NPFFR2: variants seen among roughly 807,000 people sequenced by gnomAD.
The protein encoded by NPFFR2 is neuropeptide FF receptor 2.
In NPFFR2, 15 loss-of-function variants were observed where a neutral mutation model predicts 13.1. The ratio of observed to expected loss-of-function variants is 1.15; its 90% CI spans 0.77 to 1.76. The LOEUF is 1.76. Among genes scored for constraint, NPFFR2 ranks in the 40% most tolerant of loss-of-function variants. The probability of loss-of-function intolerance (pLI) is 0.00; values close to 1 mark genes in which losing one functional copy is unlikely to be tolerated. For missense variants in NPFFR2, 572 were observed against 503.5 expected (o/e 1.14, Z -1.30); for synonymous variants, 190 against 175.7 (o/e 1.08, Z -0.65).
At chr4:72,035,814 CT>C (rs1441614225) in intron 1 of NPFFR2, among the ~76,000 whole-genome samples, 2 of 152,110 alleles carry the variant, frequency 1.3e-5, no homozygotes, top group Non-Finnish European at 2.9e-5. Flanking sequence ...ATATTTCTTA[CT>C]TTTTTTCTTC....
intron 1 of NPFFR2, among the ~76,000 whole-genome samples, chr4:72,088,605 G>C (rs968205854): frequency 1.3e-5 from 2 of 151,900 alleles, no homozygotes; most frequent in Admixed American, 6.6e-5. Flanking sequence ...GCTCCACATA[G>C]CTAGGGAGGC....
At chr4:72,120,090 G>A (rs185930678) in intron 1 of NPFFR2, among the ~76,000 whole-genome samples, 6 of 152,248 alleles carry the variant, frequency 3.9e-5, no homozygotes, top group South Asian at 2.1e-4. Flanking sequence ...CCAGCTTAGT[G>A]GGGGGAGGGA....
chr4:72,098,490 A>G (rs1721134798), intron 1 of NPFFR2, among the ~76,000 whole-genome samples: 1 of 152,040 alleles, frequency 6.6e-6, no homozygotes, highest in African/African-American at 2.4e-5. Context: ...TTTCTTTTTC[A>G]GCTCATTAGC....
intron 1 of NPFFR2, among the ~76,000 whole-genome samples, chr4:72,124,991 C>A (rs1721994788): frequency 6.6e-6 from 1 of 152,134 alleles, no homozygotes; most frequent in African/African-American, 2.4e-5. Flanking sequence ...AGGCAACCTA[C>A]AAAATGGGAG....
At chr4:72,087,320 A>T (rs1227051368) in intron 1 of NPFFR2, among the ~76,000 whole-genome samples, 2 of 152,132 alleles carry the variant, frequency 1.3e-5, no homozygotes, top group Non-Finnish European at 2.9e-5. Context: ...ATTGTTGCTA[A>T]AGTTCTGGGA....
At chr4:72,065,114 T>C (rs1246484018) in intron 1 of NPFFR2, among the ~76,000 whole-genome samples, 2 of 149,780 alleles carry the variant, frequency 1.3e-5, no homozygotes, top group Middle Eastern at 3.2e-3. Flanking sequence ...ACAAAGCTTA[T>C]GACAAAGGCA....
At chr4:72,069,629 C>T (rs1201130670) in intron 1 of NPFFR2, among the ~76,000 whole-genome samples, 1 of 151,730 alleles carries the variant, frequency 6.6e-6, no homozygotes, top group East Asian at 1.9e-4. Context: ...ACAACACTGA[C>T]AAAAGATATA....
At chr4:72,034,330 T>TA (rs1220340902) in intron 1 of NPFFR2, among the ~76,000 whole-genome samples, 1 of 152,146 alleles carries the variant, frequency 6.6e-6, no homozygotes, top group African/African-American at 2.4e-5. Flanking sequence ...TCAGGAGACT[T>TA]ACAATCATGG....
At chr4:72,117,995 G>T (rs151069278) in intron 1 of NPFFR2, among the ~76,000 whole-genome samples, 1 of 152,020 alleles carries the variant, frequency 6.6e-6, no homozygotes, top group Non-Finnish European at 1.5e-5. Context: ...AAGCCAAAAG[G>T]GAGGAAGAAA....
intron 2 of NPFFR2, among the ~76,000 whole-genome samples, chr4:72,131,184 A>C (rs1011817861): frequency 1.3e-5 from 2 of 151,886 alleles, no homozygotes; most frequent in African/African-American, 4.8e-5. Flanking sequence ...GGTTTTGAAA[A>C]AGGCAAATTT....
chr4:72,079,698 A>C (rs1335456137), intron 1 of NPFFR2, among the ~76,000 whole-genome samples: 1 of 152,194 alleles, frequency 6.6e-6, no homozygotes, highest in Non-Finnish European at 1.5e-5. Context: ...CAGTATGTTC[A>C]AACTACACAT....
At chr4:72,096,363 A>G (rs4379032) in intron 1 of NPFFR2, among the ~76,000 whole-genome samples, 144,855 of 152,226 alleles carry the variant, frequency 0.95, 69,357 homozygotes, top group East Asian at 1. Context: ...AATAATCAAC[A>G]CTGTATTTAT....
chr4:72,057,855 C>T lies in NPFFR2; in HGVS notation c.-8+25655C>T, dbSNP rs78650271. ...CAAATGTATATTGCATCCCTCCATG[C>T]GTGATGCACTATGAAGAGTACCGTG... is the stretch of plus-strand genomic sequence containing the variant. On this transcript the variant is annotated intron_variant, in intron 1 of 3. Transcript: ENST00000308744. Among the ~76,000 whole-genome samples, 557 of 152,018 alleles carry T rather than the reference C, an allele frequency of 3.7e-3. 5 individuals carry two copies. The highest frequency in any genetic ancestry group is 0.014 in the South Asian group (68 of 4,814).
chr4:72,121,512 T>G (rs1193845234), intron 1 of NPFFR2, among the ~76,000 whole-genome samples: 1 of 152,174 alleles, frequency 6.6e-6, no homozygotes, highest in Non-Finnish European at 1.5e-5. Context: ...AAAGGTTGCA[T>G]TACCCACAAA....
At chr4:72,113,508 G>A (rs1040365975) in intron 1 of NPFFR2, among the ~76,000 whole-genome samples, 14 of 151,956 alleles carry the variant, frequency 9.2e-5, no homozygotes, top group Non-Finnish European at 1.9e-4. Flanking sequence ...TCAATGGGTA[G>A]GACTCAACTT....
intron 1 of NPFFR2, among the ~76,000 whole-genome samples, chr4:72,111,720 C>T (rs888209421): frequency 8.6e-5 from 13 of 151,994 alleles, no homozygotes; most frequent in African/African-American, 3.1e-4. Context: ...CAATATACTT[C>T]CCCAACAAAA....
chr4:72,066,001 T>C (rs1290905591), intron 1 of NPFFR2, among the ~76,000 whole-genome samples: 1 of 152,230 alleles, frequency 6.6e-6, no homozygotes, highest in Non-Finnish European at 1.5e-5. Context: ...TCTCCACCTG[T>C]CTTAGTTAAT....
intron 1 of NPFFR2, among the ~76,000 whole-genome samples, chr4:72,058,883 G>A (rs529195061): frequency 6.6e-6 from 1 of 151,966 alleles, no homozygotes; most frequent in African/African-American, 2.4e-5. Flanking sequence ...TCCTGCTCTG[G>A]GCCTTACTCA....
intron 1 of NPFFR2, among the ~76,000 whole-genome samples, chr4:72,116,962 G>C (rs1319137559): frequency 1.3e-5 from 2 of 151,870 alleles, no homozygotes. Context: ...GCCTGTATCT[G>C]TCTGACCAGA....
Sources: gnomAD v4.1 joint callset for allele counts (sites outside exome capture counted in the v4.1 genomes callset) on GRCh38, gnomAD v4.1.1 for gene constraint, MANE v1.5 for transcripts, NCBI Gene and HGNC (gene_info 2026-07-23, HGNC 2026-07-21) for gene names.